PRR5L: variants seen among roughly 807,000 people sequenced by gnomAD.
PRR5L encodes proline rich 5 like, also known as proline-rich protein 5-like.
Under a neutral mutation model 36.4 loss-of-function variants are expected in PRR5L, and 21 were observed. That is an observed-to-expected ratio of 0.58 (90% CI 0.41 to 0.83). The LOEUF (loss-of-function observed/expected upper bound fraction) is 0.83, where lower values mean the gene tolerates loss of function less well. PRR5L is among the 40% of genes least tolerant of loss of function. The probability of loss-of-function intolerance (pLI) is 0.00; values close to 1 mark genes in which losing one functional copy is unlikely to be tolerated. For missense variants in PRR5L, 381 were observed against 473.3 expected, an observed-to-expected ratio of 0.80 and a Z score of 1.81; for synonymous variants, 188 against 197.0, an observed-to-expected ratio of 0.95 and a Z score of 0.38.
intron 6 of PRR5L, among the ~76,000 whole-genome samples, chr11:36,445,115 G>A (rs962729020): frequency 6.6e-6 from 1 of 152,284 alleles, no homozygotes; most frequent in Admixed American, 6.5e-5. Context: ...TTGGATGTGG[G>A]GGGTCAGGGG....
chr11:36,461,787 G>T (rs1859187516), intron 8 of PRR5L, among the ~76,000 whole-genome samples: 1 of 152,144 alleles, frequency 6.6e-6, no homozygotes, highest in African/African-American at 2.4e-5. Context: ...CCCTTCACCT[G>T]GCAGGAGATG....
chr11:36,407,299 T>TAC, intron 3 of PRR5L, among the ~76,000 whole-genome samples: 1 of 152,242 alleles, frequency 6.6e-6, no homozygotes, highest in African/African-American at 2.4e-5. Flanking sequence ...AGACCAGCTT[T>TAC]AATGAAACCC....
chr11:36,449,520 C>T (rs527648767), intron 7 of PRR5L, among the ~76,000 whole-genome samples: 5 of 152,314 alleles, frequency 3.3e-5, no homozygotes, highest in East Asian at 1.9e-4. Context: ...GAGGCAGAAT[C>T]GGAGATATTG....
intron 3 of PRR5L, among the ~76,000 whole-genome samples, chr11:36,404,561 T>G (rs898730183): frequency 6.6e-6 from 1 of 152,140 alleles, no homozygotes; most frequent in Non-Finnish European, 1.5e-5. Flanking sequence ...CCACTGTGCC[T>G]GGCCTCCATC....
chr11:36,351,341 TA>T (rs376020621), intron 1 of PRR5L, among the ~76,000 whole-genome samples: 22,724 of 79,860 alleles, frequency 0.28, 4,245 homozygotes, highest in East Asian at 0.66. Context: ...TATATATTTA[TA>T]ATATATAATA....
Position 36,446,500 on chromosome 11 carries a change from C to A in PRR5L, c.585+60C>A, listed in dbSNP as rs1858833926. 2.5e-6 allele frequency: 4 copies of A among 1,596,330 alleles called. No homozygotes were observed. The East Asian group carries it at 9.0e-5, about 36-fold the overall frequency. ...GGGAGGGAGCGAGGGAAGAGATTGC[C>A]TTTCTGAGATGAGGGGGAAGGAACC... On this transcript the variant is annotated intron_variant, in intron 7 of 8. Transcript: ENST00000530639.
chr11:36,387,256 C>T (rs910342134), intron 1 of PRR5L, among the ~76,000 whole-genome samples: 1 of 151,936 alleles, frequency 6.6e-6, no homozygotes, highest in Admixed American at 6.6e-5. Context: ...CACCACACAC[C>T]GGGGCCTGTC....
rs958746624 is a variant in PRR5L at position 36,417,020 on chromosome 11, C to G, written c.246-2235C>G. On this transcript the variant is annotated intron_variant, in intron 3 of 8. Transcript: ENST00000530639. ...CCATAGTTTTTTATTTTGAAGTCCC[C>G]CTTAACCCCGACCTTTTTCTTTTTC... Among the ~76,000 whole-genome samples the G allele has an allele frequency of 2.6e-5, 4 of 152,168 alleles. No homozygotes were observed. The South Asian group carries it at 6.2e-4, about 24-fold the overall frequency.
chr11:36,440,539 G>A (rs562630653), intron 6 of PRR5L, among the ~76,000 whole-genome samples: 1 of 152,258 alleles, frequency 6.6e-6, no homozygotes, highest in Non-Finnish European at 1.5e-5. Context: ...TATTTCATAT[G>A]AAGAAATGAT....
intron 1 of PRR5L, among the ~76,000 whole-genome samples, chr11:36,374,091 TTC>T (rs1857226222): frequency 5.7e-5 from 7 of 122,308 alleles, no homozygotes; most frequent in African/African-American, 2.4e-4. Context: ...CCTTCCTTCC[TTC>T]CTTCCTTCCT....
chr11:36,314,536 T>G (rs1246171674), intron 1 of PRR5L, among the ~76,000 whole-genome samples: 1 of 152,236 alleles, frequency 6.6e-6, no homozygotes, highest in Admixed American at 6.5e-5. Flanking sequence ...AAAGTCCCAC[T>G]TGGCTATGTT....
intron 1 of PRR5L, among the ~76,000 whole-genome samples, chr11:36,324,200 T>G (rs927240757): frequency 6.6e-6 from 1 of 152,218 alleles, no homozygotes; most frequent in African/African-American, 2.4e-5. Context: ...AATTAAATTC[T>G]ATACAGTTAG....
rs536682299 is a variant in PRR5L at position 36,436,162 on chromosome 11, C to T, written c.353-1223C>T. 7.9e-5 allele frequency among the ~76,000 whole-genome samples: 12 copies of T among 152,316 alleles called. No individual in the cohort carries two copies. The South Asian group carries it at 2.3e-3, about 29-fold the overall frequency. ...CTCTCCCCAGCCACTGCTTTTATTG[C>T]CCATTAAATTAATAGACGGGAGGCG... On this transcript the variant is annotated intron_variant, in intron 5 of 8. Transcript: ENST00000530639.
In PRR5L at chr11:36,344,937, T is replaced by C. The variant is rs1344261809; in HGVS notation, c.-126+48499T>C. Among the ~76,000 whole-genome samples, 1 of 152,168 alleles carries C rather than the reference T, an allele frequency of 6.6e-6. No homozygotes were observed. The highest frequency in any genetic ancestry group is 1.5e-5 in the Non-Finnish European group (1 of 68,022). On this transcript the variant is annotated intron_variant, in intron 1 of 8. Transcript: ENST00000530639. This position sits in a 1 kb window ranked among gnomAD's most constrained non-coding sequence, Gnocchi z 4.1. ...TTAAAATTTAGCAACAACAAAGTCA[T>C]CAAATTTTCAGGCAGGGGCCAGAAA... is the stretch of plus-strand genomic sequence containing the variant.
intron 1 of PRR5L, among the ~76,000 whole-genome samples, chr11:36,305,303 A>T (rs147686159): frequency 1.1e-4 from 16 of 152,356 alleles, no homozygotes; most frequent in Non-Finnish European, 2.2e-4. Flanking sequence ...GATTCCATTT[A>T]TATGAAAGGT....
chr11:36,427,493 G>C (rs973604570), intron 4 of PRR5L, among the ~76,000 whole-genome samples: 17 of 152,200 alleles, frequency 1.1e-4, no homozygotes, highest in Admixed American at 7.2e-4. Flanking sequence ...CAGCTCAGCA[G>C]CCAGCAAACA....
chr11:36,360,700 A>G lies in PRR5L; in HGVS notation c.-125-40297A>G, dbSNP rs181415252. 2.0e-5 allele frequency among the ~76,000 whole-genome samples: 3 copies of G among 152,352 alleles called. No individual in the cohort carries two copies. In the East Asian group the frequency reaches 5.8e-4, roughly 29 times the overall value. On this transcript the variant is annotated intron_variant, in intron 1 of 8. Transcript: ENST00000530639. Reference sequence around the variant, plus strand: ...GAATAAGAGGGTAAGGTTTTATGATATACACCCAGGGGGAAAATCTGTGTA... The same window carrying G: ...GAATAAGAGGGTAAGGTTTTATGATGTACACCCAGGGGGAAAATCTGTGTA...
intron 1 of PRR5L, among the ~76,000 whole-genome samples, chr11:36,399,124 T>G (rs1857733478): frequency 6.6e-6 from 1 of 152,184 alleles, no homozygotes; most frequent in Non-Finnish European, 1.5e-5. Context: ...TTTTGGTTTG[T>G]GTAGATCTTT....
intron 1 of PRR5L, among the ~76,000 whole-genome samples, chr11:36,379,744 CA>C (rs1410622472): frequency 6.6e-6 from 1 of 152,130 alleles, no homozygotes; most frequent in East Asian, 1.9e-4. Flanking sequence ...GATGGGGCAT[CA>C]GAGGTGAATT....
Sources: allele counts gnomAD v4.1 joint callset (sites outside exome capture counted in the v4.1 genomes callset), GRCh38; gene constraint gnomAD v4.1.1; non-coding constraint Gnocchi (gnomAD v3.1); transcripts MANE v1.5; gene names NCBI Gene and HGNC (gene_info 2026-07-23, HGNC 2026-07-21).